Variants in BUD31 observed in about 807,000 individuals in gnomAD.
BUD31 encodes the protein BUD31 spliceosome associated protein.
In BUD31, 9 loss-of-function variants were observed where a neutral mutation model predicts 17.9. That is an observed-to-expected ratio of 0.50 (90% CI 0.30 to 0.88). The LOEUF (loss-of-function observed/expected upper bound fraction) is 0.88, where lower values mean the gene tolerates loss of function less well. Ranked by LOEUF, BUD31 falls within the 40% of genes least tolerant of loss-of-function variation. The pLI, the probability that BUD31 is intolerant of heterozygous loss-of-function variation, is 0.06. For synonymous variants in BUD31, 70 were observed against 64.7 expected, an observed-to-expected ratio of 1.08 and a Z score of -0.39; for missense variants, 148 against 184.5, an observed-to-expected ratio of 0.80 and a Z score of 1.15.
intron 1 of BUD31, among the ~76,000 whole-genome samples, chr7:99,409,565 G>A (rs998836150): frequency 6.6e-6 from 1 of 151,912 alleles, no homozygotes; most frequent in Admixed American, 6.6e-5. Context: ...CAGACTATGC[G>A]CCTTGGGGCC....
Position 99,416,262 on chromosome 7 carries a change from T to A in BUD31, c.217+2T>A. On this transcript the variant is annotated splice_donor_variant, in intron 4 of 5. Coordinates refer to ENST00000222969, the MANE Select transcript of BUD31 (RefSeq NM_003910.4). LOFTEE classifies it high-confidence loss of function. ...ACAAGCGGAAAGCCATCAGCAGAGGTAATTAGTCAGTCTCTCTTGGACTTT... is the reference window on the plus strand; with the variant it reads ...ACAAGCGGAAAGCCATCAGCAGAGGAAATTAGTCAGTCTCTCTTGGACTTT... 2 of 1,613,090 alleles carry A rather than the reference T, an allele frequency of 1.2e-6. No homozygotes were observed. The highest frequency in any genetic ancestry group is 1.7e-6 in the Non-Finnish European group (2 of 1,179,294).
intron 4 of BUD31, chr7:99,417,142 C>T (rs974136149): frequency 2.0e-5 from 7 of 348,984 alleles, no homozygotes; most frequent in South Asian, 2.4e-5. Flanking sequence ...CTACAACCTC[C>T]GCCTCCTGGG....
Position 99,415,560 on chromosome 7 carries a change from G to A in BUD31, c.95-578G>A, listed in dbSNP as rs557532910. 2.0e-5 allele frequency among the ~76,000 whole-genome samples: 3 copies of A among 152,184 alleles called. No individual in the cohort carries two copies. In the South Asian group the frequency reaches 6.2e-4, roughly 32 times the overall value. Reference sequence around the variant, plus strand: ...GCCCTCCACAAGAGGTGGAGGAGTAGAGTCTTCTCTAAACTCCCCCGGGGA... The same window carrying A: ...GCCCTCCACAAGAGGTGGAGGAGTAAAGTCTTCTCTAAACTCCCCCGGGGA... On this transcript the variant is annotated intron_variant, in intron 3 of 5. Coordinates refer to ENST00000222969, the MANE Select transcript of BUD31 (RefSeq NM_003910.4).
chr7:99,411,051 T>A lies in BUD31; in HGVS notation c.-29-13T>A, dbSNP rs777191437. 2.6e-6 allele frequency: 4 copies of A among 1,563,256 alleles called. No homozygotes were observed. The African/African-American group carries it at 5.4e-5, about 21-fold the overall frequency. On this transcript the variant is annotated splice_polypyrimidine_tract_variant and intron_variant, in intron 2 of 5. Coordinates refer to ENST00000222969, the MANE Select transcript of BUD31 (RefSeq NM_003910.4). ...ATTTGAGACTCAGAAACCAATTCAT[T>A]TTTTTCCCCCAGATCTTTGCAGATT... is the stretch of plus-strand genomic sequence containing the variant.
chr7:99,416,378 T>G (rs1795459455), intron 4 of BUD31, 118 bp downstream of exon 4: 5 of 1,347,816 alleles, frequency 3.7e-6, no homozygotes, highest in Middle Eastern at 2.6e-4. Context: ...CCACGAAAAT[T>G]AGGGGGAGCC....
chr7:99,414,142 T>A (rs943227739), intron 3 of BUD31, among the ~76,000 whole-genome samples: 1 of 148,394 alleles, frequency 6.7e-6, no homozygotes, highest in African/African-American at 2.6e-5. Flanking sequence ...TTTTTTATTT[T>A]TTTATTTTTT....
At chr7:99,409,864 T>C (rs1795108116) in intron 1 of BUD31, among the ~76,000 whole-genome samples, 170 bp from the exon 2 acceptor site, 1 of 152,116 alleles carries the variant, frequency 6.6e-6, no homozygotes, top group South Asian at 2.1e-4. Context: ...AGGTAAATAC[T>C]TAACCTGGGT....
chr7:99,416,543 C>G (rs1455371351), intron 4 of BUD31, among the ~76,000 whole-genome samples: 1 of 151,810 alleles, frequency 6.6e-6, no homozygotes, highest in Non-Finnish European at 1.5e-5. Flanking sequence ...TCTCAGCTCC[C>G]AAGTAGCTGG....
At chr7:99,415,173 A>G (rs1021771663) in intron 3 of BUD31, 6 of 452,514 alleles carry the variant, frequency 1.3e-5, no homozygotes, top group Non-Finnish European at 2.7e-5. Context: ...AGACGCGGAG[A>G]CCGGTAGTGG....
At chr7:99,415,734 C>T (rs1039464914) in intron 3 of BUD31, among the ~76,000 whole-genome samples, 7 of 152,172 alleles carry the variant, frequency 4.6e-5, no homozygotes, top group African/African-American at 7.2e-5. Flanking sequence ...TGGCCCTGTC[C>T]GGGCATAACA....
chr7:99,410,250 T>G (rs1795122551), intron 2 of BUD31, 81 bp downstream of exon 2: 1 of 152,132 alleles, frequency 6.6e-6, no homozygotes. Flanking sequence ...ATGGTCTCAC[T>G]CCGTCACTTA....
chr7:99,417,369 T>C, intron 4 of BUD31, 60 bp from the exon 5 acceptor site: 1 of 1,573,410 alleles, frequency 6.4e-7, no homozygotes, highest in Non-Finnish European at 8.7e-7. Context: ...CTTTTTTTGA[T>C]CAAGGGTGGG....
At position 99,411,143 on chromosome 7, in the gene BUD31, G is replaced by C; in HGVS notation, c.51G>C (p.Leu17Phe). ...AAGCACCCCCAGATGGCTGGGAGTT[G>C]ATTGAGCCAACACTGGATGAATTAG... ...SRKAPPDGWE[L>F]IEPTLDELDQ... Residue 17 changes from leucine (L) to phenylalanine (F), a missense_variant, in exon 3 of 6, where the codon TTG becomes TTC. Physicochemically the swap from Leu to Phe is conservative, Grantham distance 22. Transcript: ENST00000222969. The C allele has an allele frequency of 6.2e-7, 1 of 1,614,172 alleles. No individual in the cohort carries two copies. The highest frequency in any genetic ancestry group is 8.5e-7 in the Non-Finnish European group (1 of 1,180,024).
At chr7:99,414,750 C>CA (rs1456059042) in intron 3 of BUD31, among the ~76,000 whole-genome samples, 4 of 152,140 alleles carry the variant, frequency 2.6e-5, no homozygotes, top group African/African-American at 9.7e-5. Context: ...CATGCGCCAC[C>CA]ATGCCCTGCT....
rs1201168036 is a variant in BUD31, at chr7:99,419,498, C to T, written c.*57C>T. 6 of 1,596,086 alleles carry T rather than the reference C, an allele frequency of 3.8e-6. No homozygotes were observed. The highest frequency in any genetic ancestry group is 3.3e-5 in the Admixed American group (2 of 59,930). ...TCGCAGGTTCCTGCCTGTCACGCCA[C>T]CCCCTTCCTGGGAGCAGCGAGCAGT... On this transcript the variant is annotated 3_prime_UTR_variant, in exon 6 of 6. Transcript: ENST00000222969.
chr7:99,409,533 A>C (rs1316524502), intron 1 of BUD31, among the ~76,000 whole-genome samples: 4 of 151,936 alleles, frequency 2.6e-5, no homozygotes. Context: ...TGGGTCGTAG[A>C]AAAGCGATCA....
intron 3 of BUD31, among the ~76,000 whole-genome samples, chr7:99,412,221 C>T (rs569987578): frequency 1.3e-5 from 2 of 152,280 alleles, no homozygotes; most frequent in South Asian, 2.1e-4. Flanking sequence ...GCAGTAATCA[C>T]GGTCATTTTG....
intron 3 of BUD31, 120 bp from the exon 4 acceptor site, chr7:99,416,018 C>G (rs1795428573): frequency 7.0e-7 from 1 of 1,427,520 alleles, no homozygotes; most frequent in East Asian, 2.4e-5. Flanking sequence ...TGGCTTGCCA[C>G]CCACAGCCAT....
intron 5 of BUD31, 81 bp from the exon 6 acceptor site, chr7:99,419,310 G>T (rs893906001): frequency 1.3e-6 from 2 of 1,533,942 alleles, no homozygotes; most frequent in African/African-American, 1.4e-5. Flanking sequence ...CAGGTCCTTC[G>T]TGGGAGGGTT....
Sources: allele counts gnomAD v4.1 joint callset (sites outside exome capture counted in the v4.1 genomes callset), GRCh38; gene constraint gnomAD v4.1.1; transcripts MANE v1.5; gene names NCBI Gene and HGNC (gene_info 2026-07-23, HGNC 2026-07-21).